KRT85: variants seen among roughly 807,000 people sequenced by gnomAD.
The protein encoded by KRT85 is keratin, type II cuticular Hb5.
Under a neutral mutation model 53.7 loss-of-function variants are expected in KRT85, and 39 were observed. That is an observed-to-expected ratio of 0.73 (90% CI 0.56 to 0.95). The LOEUF is 0.95. Among genes scored for constraint, KRT85 ranks in the 40% least tolerant of loss-of-function variants. The pLI, the probability that KRT85 is intolerant of heterozygous loss-of-function variation, is 0.00. For synonymous variants in KRT85, 291 were observed against 277.5 expected, an observed-to-expected ratio of 1.05 and a Z score of -0.48; for missense variants, 668 against 686.0, an observed-to-expected ratio of 0.97 and a Z score of 0.29.
chr12:52,364,872 T>C (rs1939248511), intron 2 of KRT85, 90 bp downstream of exon 2: 1 of 1,607,036 alleles, frequency 6.2e-7, no homozygotes. Flanking sequence ...TAGAGGAATC[T>C]GAAAGAAGCT....
At chr12:52,366,525 G>A (rs903293700) in intron 1 of KRT85, among the ~76,000 whole-genome samples, 4 of 152,118 alleles carry the variant, frequency 2.6e-5, no homozygotes, top group Non-Finnish European at 5.9e-5. Context: ...TGGTCTCCCC[G>A]TTATCTCCCA....
chr12:52,363,509 T>A, intron 4 of KRT85, 99 bp from the exon 5 acceptor site: 1 of 1,326,166 alleles, frequency 7.5e-7, no homozygotes, highest in Non-Finnish European at 1.1e-6. Context: ...CGGGCACTGG[T>A]CATGAAGGTT....
chr12:52,362,225 AC>A, intron 7 of KRT85, 25 bp downstream of exon 7: 1 of 1,613,814 alleles, frequency 6.2e-7, no homozygotes, highest in Non-Finnish European at 8.5e-7. Flanking sequence ...CACCTCTGAA[AC>A]CCCACAAAGT....
rs1939168783 is a variant in KRT85 at position 52,360,155 on chromosome 12, A to AG, written c.*697dup. On this transcript the variant is annotated 3_prime_UTR_variant, in exon 9 of 9. Transcript: ENST00000257901. ...GGACAGTCCCCACCTGCACCCAGCA[A>AG]GGGGGCATCTGGAGCAGCCATGGAG... The AG allele has an allele frequency of 2.6e-5, 4 of 156,412 alleles. No homozygotes were observed. Among genetic ancestry groups the AG allele is most frequent in the Admixed American group, 2.5e-4 (4 of 16,078 alleles). The allele number at this position is 156,412 out of a possible 1,614,324, so 9.7% of individuals were successfully genotyped here. A position where few individuals can be genotyped will look rare whatever the true frequency, so the allele number is the denominator to read the frequency against.
At position 52,362,484 on chromosome 12, in the gene KRT85, G is replaced by A. The variant is rs780982995; in HGVS notation, c.1078-13C>T. ...CCAGCTTGGCACGCTATCAGGTGGA[G>A]ATACAAGGGCCAGGATGAGAAAGAG... On this transcript the variant is annotated splice_polypyrimidine_tract_variant and intron_variant, in intron 6 of 8. Transcript: ENST00000257901. 31 of 1,613,830 alleles carry A rather than the reference G, an allele frequency of 1.9e-5. No homozygotes were observed. The highest frequency in any genetic ancestry group is 2.5e-5 in the Non-Finnish European group (30 of 1,179,878).
At position 52,362,164 on chromosome 12, in the gene KRT85, T is replaced by C. The variant is rs902766934; in HGVS notation, c.1298+87A>G. ...CTATTGTATTAGCCATGGCCAGAGT[T>C]GTAGCTCACACTCAGCTCAAGGAAA... On this transcript the variant is annotated intron_variant, in intron 7 of 8. Coordinates refer to ENST00000257901, the MANE Select transcript of KRT85 (RefSeq NM_002283.4). 3.8e-6 allele frequency: 6 copies of C among 1,563,484 alleles called. No individual in the cohort carries two copies. In the African/African-American group the frequency reaches 8.1e-5, roughly 21 times the overall value.
intron 1 of KRT85, among the ~76,000 whole-genome samples, chr12:52,365,813 G>C (rs1020697825): frequency 5.3e-5 from 8 of 152,164 alleles, no homozygotes; most frequent in South Asian, 2.1e-4. Flanking sequence ...CATGGTAAGC[G>C]ATAGTCTTGA....
Position 52,365,079 on chromosome 12 carries a change from A to AGTG in KRT85, c.509_511dup (p.Pro170dup), listed in dbSNP as rs1414573649. The stretch of plus-strand genomic sequence containing the variant: ...CAGAGTCTCGATGTAGCCACTGAAC[A>AGTG]GTGGCTCCAGGTTGCTCTCGCAGCA... On this transcript the variant is annotated inframe_insertion, in exon 2 of 9. Transcript: ENST00000257901. 2 of 1,614,036 alleles carry AGTG rather than the reference A, an allele frequency of 1.2e-6. No homozygotes were observed. Among genetic ancestry groups the AGTG allele is most frequent in the Non-Finnish European group, 1.7e-6 (2 of 1,180,038 alleles).
At chr12:52,361,321 C>G in intron 8 of KRT85, 146 bp downstream of exon 8, 9 of 831,454 alleles carry the variant, frequency 1.1e-5, no homozygotes, top group South Asian at 9.8e-5. Context: ...TCAGCTTTCT[C>G]TAACACCTGT....
chr12:52,363,021 C>T (rs769092127), intron 5 of KRT85, 42 bp from the exon 6 acceptor site: 4 of 1,614,060 alleles, frequency 2.5e-6, no homozygotes, highest in Non-Finnish European at 3.4e-6. Context: ...GGGTGGGGCC[C>T]CCCATCCATT....
intron 7 of KRT85, 140 bp downstream of exon 7, chr12:52,362,111 T>A: frequency 1.9e-6 from 2 of 1,066,816 alleles, no homozygotes; most frequent in South Asian, 2.7e-5. Context: ...ACAGAAGCAT[T>A]CAGTTATTAT....
chr12:52,364,084 C>T lies in KRT85; in HGVS notation c.770G>A (p.Arg257Lys), dbSNP rs377332103. ...CCCCCTTACCTCTTCATAGAGGCGC[C>T]TCAGGAAGCTAGACTCCTCCACCAG... ...EALVEESSFL[R>K]RLYEEEIRVL... is the part of the protein sequence containing the mutation. The change falls in exon 4 of 9, where the codon AGG becomes AAG. Residue 257 changes from arginine (R) to lysine (K), a missense_variant. By Grantham distance (26) the Arg-to-Lys change is conservative. Around this residue, in one of 3 missense-constraint regions of KRT85, gnomAD observed 488 missense variants for 498.1 expected, o/e 0.98. Transcript: ENST00000257901. 3.1e-6 allele frequency: 5 copies of T among 1,613,744 alleles called. No homozygotes were observed. The highest frequency in any genetic ancestry group is 4.2e-6 in the Non-Finnish European group (5 of 1,180,038).
chr12:52,363,700 C>T (rs1356169101), intron 4 of KRT85, among the ~76,000 whole-genome samples: 1 of 152,176 alleles, frequency 6.6e-6, no homozygotes, highest in African/African-American at 2.4e-5. Flanking sequence ...GGTTTGGAGG[C>T]TAGGATGAGT....
Position 52,361,001 on chromosome 12 carries a change from T to C in KRT85, c.1376A>G (p.Tyr459Cys). 1.2e-6 allele frequency: 2 copies of C among 1,613,378 alleles called. No individual in the cohort carries two copies. The highest frequency in any genetic ancestry group is 1.7e-6 in the Non-Finnish European group (2 of 1,179,800). Residue 459 changes from tyrosine to cysteine, a missense_variant, in exon 9 of 9, where the codon TAC becomes TGC. Tyr to Cys is a radical substitution (Grantham distance 194, BLOSUM62 -2). This residue lies in a region of KRT85 where 488 missense variants were observed against 498.1 expected (regional missense o/e 0.98). Transcript: ENST00000257901. Reference protein sequence around the residue: ...RGGVSCGGLSYSTTPGRQITS... With the variant: ...RGGVSCGGLSCSTTPGRQITS... ...GATCTGGCGCCCTGGGGTGGTGCTG[T>C]AGGAGAGGCCCCCACAGGAGACTCC... is the stretch of plus-strand genomic sequence containing the variant.
intron 1 of KRT85, 141 bp from the exon 2 acceptor site, chr12:52,365,311 A>T (rs1490489483): frequency 4.4e-6 from 4 of 902,020 alleles, no homozygotes; most frequent in Non-Finnish European, 5.3e-6. Context: ...GCCCATTCCC[A>T]GGCCCCCAGG....
At chr12:52,361,575 G>C in intron 7 of KRT85, 77 bp from the exon 8 acceptor site, 1 of 1,359,978 alleles carries the variant, frequency 7.4e-7, no homozygotes, top group East Asian at 2.3e-5. Flanking sequence ...TGGGGACAGA[G>C]AGGGTCATCC....
Position 52,367,209 on chromosome 12 carries a change from A to C in KRT85, c.197T>G (p.Ile66Arg). 2 of 1,613,642 alleles carry C rather than the reference A, an allele frequency of 1.2e-6. No homozygotes were observed. Among genetic ancestry groups the C allele is most frequent in the Non-Finnish European group, 1.7e-6 (2 of 1,179,768 alleles). The change falls in exon 1 of 9, where the codon ATA (isoleucine) becomes AGA (arginine). Residue 66 changes from isoleucine to arginine, a missense_variant. Ile to Arg is a moderately conservative substitution (Grantham distance 97). Transcript: ENST00000257901. ...LCNLGSCGPR[I>R]AVGGFRAGSC... ...GCCGGCTCGGAAGCCACCTACAGCTATCCGGGGCCCGCAGGAGCCCAGGTT... is the reference window on the plus strand; with the variant it reads ...GCCGGCTCGGAAGCCACCTACAGCTCTCCGGGGCCCGCAGGAGCCCAGGTT...
chr12:52,364,907 C>A, intron 2 of KRT85, 55 bp downstream of exon 2: 4 of 1,611,590 alleles, frequency 2.5e-6, no homozygotes, highest in East Asian at 2.2e-5. Context: ...ATGGGCAGAG[C>A]CTCCCAGCAT....
chr12:52,367,330 G>T lies in KRT85; in HGVS notation c.76C>A (p.Pro26Thr). Residue 26 changes from proline (P) to threonine (T), a missense_variant, in exon 1 of 9, where the codon CCC becomes ACC. Physicochemically the swap from Pro to Thr is conservative, Grantham distance 38. Around this residue, in one of 3 missense-constraint regions of KRT85, gnomAD observed 158 missense variants for 141.8 expected, o/e 1.11. Coordinates refer to ENST00000257901, the MANE Select transcript of KRT85 (RefSeq NM_002283.4). ...RNFSSCSAVA[P>T]KTGNRCCISA... Reference sequence around the variant, plus strand: ...ATGCAGCAGCGGTTGCCAGTTTTGGGGGCCACAGCTGAGCAGGAGCTGAAG... The same window carrying T: ...ATGCAGCAGCGGTTGCCAGTTTTGGTGGCCACAGCTGAGCAGGAGCTGAAG... 6.2e-7 allele frequency: 1 copy of T among 1,614,096 alleles called. No individual in the cohort carries two copies. Among genetic ancestry groups the T allele is most frequent in the Non-Finnish European group, 8.5e-7 (1 of 1,180,016 alleles).
Sources: gnomAD v4.1 joint callset for allele counts (sites outside exome capture counted in the v4.1 genomes callset) on GRCh38, gnomAD v4.1.1 for gene constraint, gnomAD v4.1.1 regional missense constraint, MANE v1.5 for transcripts, NCBI Gene and HGNC (gene_info 2026-07-23, HGNC 2026-07-21) for gene names.